Variants in ARHGEF38 observed in about 807,000 individuals in gnomAD.
The protein encoded by ARHGEF38 is Rho guanine nucleotide exchange factor 38, also known as Rho guanine nucleotide exchange factor (GEF) 38.
Under a neutral mutation model 79.9 loss-of-function variants are expected in ARHGEF38, and 79 were observed. That is an observed-to-expected ratio of 0.99 (90% confidence interval 0.82 to 1.19). ARHGEF38 has a LOEUF of 1.19. ARHGEF38 is among the 50% of genes most tolerant of loss of function. ARHGEF38 has a pLI of 0.00. For missense variants in ARHGEF38, 962 were observed against 907.2 expected (o/e 1.06, Z -0.78); for synonymous variants, 366 against 328.3 (o/e 1.11, Z -1.24).
chr4:105,568,958 T>C lies in ARHGEF38; in HGVS notation c.196+15997T>C, dbSNP rs117907814. On this transcript the variant is annotated intron_variant, in intron 1 of 13. Coordinates refer to ENST00000420470, the MANE Select transcript of ARHGEF38 (RefSeq NM_001242729.2). ...AAGCTTGGTATATGAAATTATTCAC[T>C]ACAACTATTCTTTACTAAGAGATCA... Among the ~76,000 whole-genome samples, 32 of 152,350 alleles carry C rather than the reference T, an allele frequency of 2.1e-4. 1 individual carries two copies. The East Asian group carries it at 6.2e-3, about 29-fold the overall frequency.
At chr4:105,579,841 G>T (rs1454155600) in intron 1 of ARHGEF38, among the ~76,000 whole-genome samples, 1 of 152,126 alleles carries the variant, frequency 6.6e-6, no homozygotes, top group South Asian at 2.1e-4. Context: ...TTTGAATTTG[G>T]CTGTGAATCC....
chr4:105,671,086 A>G (rs1278171024), intron 13 of ARHGEF38, among the ~76,000 whole-genome samples: 1 of 152,250 alleles, frequency 6.6e-6, no homozygotes. Context: ...CAAAAAATAT[A>G]TTAATGGCAT....
At chr4:105,579,557 A>T (rs1726674951) in intron 1 of ARHGEF38, among the ~76,000 whole-genome samples, 1 of 152,220 alleles carries the variant, frequency 6.6e-6, no homozygotes, top group South Asian at 2.1e-4. Flanking sequence ...ATGTTGAACC[A>T]TCCTTGCATC....
In ARHGEF38 at chr4:105,678,055, C is replaced by T. The variant is rs1158163878; in HGVS notation, c.*118C>T. 1 of 803,968 alleles carries T rather than the reference C, an allele frequency of 1.2e-6. No individual in the cohort carries two copies. The highest frequency in any genetic ancestry group is 3.1e-5 in the Admixed American group (1 of 32,698). The allele number at this position is 803,968 out of a possible 1,614,324, so 49.8% of individuals were successfully genotyped here. On this transcript the variant is annotated 3_prime_UTR_variant, in exon 14 of 14. Coordinates refer to ENST00000420470, the MANE Select transcript of ARHGEF38 (RefSeq NM_001242729.2). ...AACCTCTGAACTACAGAAACTGATA[C>T]TGTACTGGGTTTTCAGGAATACTGT...
intron 5 of ARHGEF38, among the ~76,000 whole-genome samples, chr4:105,643,997 T>C (rs2110537907): frequency 6.7e-6 from 1 of 149,122 alleles, no homozygotes; most frequent in African/African-American, 2.5e-5. Context: ...CTCCCAAGTA[T>C]CTGAGACTAC....
At chr4:105,580,041 A>T (rs190259158) in intron 1 of ARHGEF38, among the ~76,000 whole-genome samples, 208 of 152,132 alleles carry the variant, frequency 1.4e-3, no homozygotes, top group African/African-American at 4.6e-3. Flanking sequence ...ATAGTCTCTG[A>T]TGATTGTATT....
At chr4:105,650,995 T>C (rs1730079928) in intron 7 of ARHGEF38, among the ~76,000 whole-genome samples, 1 of 152,206 alleles carries the variant, frequency 6.6e-6, no homozygotes, top group Middle Eastern at 3.2e-3. Flanking sequence ...GATAGGCATG[T>C]GTAAATGTAG....
chr4:105,631,097 G>A (rs1292204075), intron 4 of ARHGEF38, 52 bp downstream of exon 4: 2 of 1,557,604 alleles, frequency 1.3e-6, no homozygotes, highest in Admixed American at 2.0e-5. Context: ...GCCTAGCAGG[G>A]AACATTTTAA....
At chr4:105,594,007 T>C (rs934793558) in intron 2 of ARHGEF38, among the ~76,000 whole-genome samples, 1 of 152,232 alleles carries the variant, frequency 6.6e-6, no homozygotes, top group African/African-American at 2.4e-5. Context: ...TTTCACACTT[T>C]GACCTTGTTA....
At chr4:105,635,017 A>G (rs1560736423) in intron 4 of ARHGEF38, among the ~76,000 whole-genome samples, 1 of 152,186 alleles carries the variant, frequency 6.6e-6, no homozygotes, top group East Asian at 1.9e-4. Flanking sequence ...ACTTTTGGAA[A>G]GCCCTTCAGT....
Position 105,606,042 on chromosome 4 carries a change from T to G in ARHGEF38, c.385-7342T>G, listed in dbSNP as rs143158542. Among the ~76,000 whole-genome samples, 286 of 152,192 alleles carry G rather than the reference T, an allele frequency of 1.9e-3. 3 individuals are homozygous for G. The highest frequency in any genetic ancestry group is 0.01 in the Middle Eastern group (3 of 294). ...GGATCAATCTAATTTAGAGGATGCA[T>G]CCAGGCCTCACCAAAATGTTGTGTG... On this transcript the variant is annotated intron_variant, in intron 2 of 13. Transcript: ENST00000420470.
chr4:105,558,231 T>C (rs1725346261), intron 1 of ARHGEF38, among the ~76,000 whole-genome samples: 1 of 152,192 alleles, frequency 6.6e-6, no homozygotes, highest in Admixed American at 6.5e-5. Context: ...GGGCATTTAA[T>C]TTAAAATGTT....
chr4:105,656,206 C>T (rs1730317963), intron 9 of ARHGEF38, among the ~76,000 whole-genome samples: 1 of 152,042 alleles, frequency 6.6e-6, no homozygotes, highest in African/African-American at 2.4e-5. Flanking sequence ...AGGGGCACAC[C>T]ACCACACCTA....
intron 1 of ARHGEF38, among the ~76,000 whole-genome samples, chr4:105,578,899 C>T (rs898479122): frequency 2.0e-5 from 3 of 152,108 alleles, no homozygotes; most frequent in Admixed American, 6.5e-5. Context: ...TAGCCACTTA[C>T]ATGTAACATT....
At chr4:105,573,956 A>G (rs906820242) in intron 1 of ARHGEF38, among the ~76,000 whole-genome samples, 1 of 152,098 alleles carries the variant, frequency 6.6e-6, no homozygotes, top group Middle Eastern at 3.4e-3. Flanking sequence ...AGTCATAAGT[A>G]TTTCATTGTT....
intron 2 of ARHGEF38, among the ~76,000 whole-genome samples, chr4:105,592,788 A>G (rs1286022870): frequency 6.6e-6 from 1 of 152,168 alleles, no homozygotes; most frequent in Admixed American, 6.5e-5. Flanking sequence ...GAAACTAGAA[A>G]CAATAAGATG....
At chr4:105,600,006 G>A (rs897095402) in intron 2 of ARHGEF38, among the ~76,000 whole-genome samples, 1 of 152,080 alleles carries the variant, frequency 6.6e-6, no homozygotes, top group African/African-American at 2.4e-5. Flanking sequence ...TTCAGAGAAG[G>A]GACAGATCAC....
At chr4:105,648,006 C>T (rs940549337) in intron 6 of ARHGEF38, among the ~76,000 whole-genome samples, 7 of 151,274 alleles carry the variant, frequency 4.6e-5, no homozygotes, top group Non-Finnish European at 1.0e-4. Flanking sequence ...TGTCCTGCCT[C>T]AGCCTCCCAA....
Position 105,552,868 on chromosome 4 carries a change from G to T in ARHGEF38, c.103G>T (p.Asp35Tyr). 6.2e-7 allele frequency: 1 copy of T among 1,613,954 alleles called. No homozygotes were observed. Among genetic ancestry groups the T allele is most frequent in the Non-Finnish European group, 8.5e-7 (1 of 1,179,878 alleles). The change falls in exon 1 of 14, where the codon GAC (aspartate) becomes TAC (tyrosine). Residue 35 changes from aspartate (D) to tyrosine (Y), a missense_variant. By Grantham distance (160) the Asp-to-Tyr change is radical (BLOSUM62 -3). Coordinates refer to ENST00000420470, the MANE Select transcript of ARHGEF38 (RefSeq NM_001242729.2). ...RLYMLERRKTDTVVESSVSGD... is the reference protein window; with the variant it reads ...RLYMLERRKTYTVVESSVSGD... ...CTATATGCTGGAGAGAAGGAAGACT[G>T]ACACTGTGGTTGAGAGCAGTGTTTC...
Sources: allele counts gnomAD v4.1 joint callset (sites outside exome capture counted in the v4.1 genomes callset), GRCh38; gene constraint gnomAD v4.1.1; transcripts MANE v1.5; gene names NCBI Gene and HGNC (gene_info 2026-07-23, HGNC 2026-07-21).